The following LHFPL2 variants were observed in gnomAD, a reference collection of about 807,000 sequenced individuals.
LHFPL2 encodes the protein LHFPL tetraspan subfamily member 2 protein.
In LHFPL2, 7 loss-of-function variants were observed where a neutral mutation model predicts 17.5. The ratio of observed to expected loss-of-function variants is 0.40; its 90% CI spans 0.23 to 0.75. The LOEUF (loss-of-function observed/expected upper bound fraction) is 0.75, where lower values mean the gene tolerates loss of function less well. LHFPL2 is among the 30% of genes least tolerant of loss of function. The pLI, the probability that LHFPL2 is intolerant of heterozygous loss-of-function variation, is 0.37. For missense variants in LHFPL2, 241 were observed against 294.8 expected, an observed-to-expected ratio of 0.82 and a Z score of 1.34; for synonymous variants, 134 against 116.2, an observed-to-expected ratio of 1.15 and a Z score of -0.99.
chr5:78,557,832 A>G (rs1448209069), intron 3 of LHFPL2, among the ~76,000 whole-genome samples: 2 of 152,188 alleles, frequency 1.3e-5, no homozygotes, highest in African/African-American at 4.8e-5. Context: ...GCTCTGTAAC[A>G]TGTGCCAAGT....
chr5:78,489,143 A>C lies in LHFPL2; in HGVS notation c.441T>G (p.Leu147=). Reference sequence around the variant, plus strand: ...CAGGGTAGAGTATCAAACCGAGGATAAGGAATAGACCTGCAGAACAAAAGA... The same window carrying C: ...CAGGGTAGAGTATCAAACCGAGGATCAGGAATAGACCTGCAGAACAAAAGA... ...GLLQGIAGLF[L]ILGLILYPAG... is the part of the protein sequence containing the mutation. The change falls in exon 5 of 5, where the codon CTT becomes CTG. Residue 147 remains leucine, a synonymous_variant. Transcript: ENST00000380345. 1.9e-6 allele frequency: 3 copies of C among 1,614,218 alleles called. No homozygotes were observed. The highest frequency in any genetic ancestry group is 2.5e-6 in the Non-Finnish European group (3 of 1,180,030).
intron 3 of LHFPL2, among the ~76,000 whole-genome samples, chr5:78,555,390 G>A (rs968662468): frequency 6.6e-6 from 1 of 152,334 alleles, no homozygotes; most frequent in Middle Eastern, 3.4e-3. Context: ...GAGAAATCTA[G>A]TTTATCCATT....
chr5:78,527,918 G>C (rs1250420175), intron 3 of LHFPL2, among the ~76,000 whole-genome samples: 5 of 152,142 alleles, frequency 3.3e-5, no homozygotes, highest in Non-Finnish European at 7.4e-5. Flanking sequence ...AAGCGATTAA[G>C]AGTAACATCC....
At chr5:78,631,704 C>T (rs879858337) in intron 2 of LHFPL2, among the ~76,000 whole-genome samples, 5 of 152,128 alleles carry the variant, frequency 3.3e-5, no homozygotes, top group Non-Finnish European at 7.4e-5. Context: ...GGGAGGCCAA[C>T]GCAGGCGGAT....
Position 78,489,068 on chromosome 5 carries a change from A to C in LHFPL2, c.516T>G (p.Ser172=). The stretch of plus-strand genomic sequence containing the variant: ...AGGAGCAGTCTCCAGGTTTGTAGGC[A>C]GATGCATAATGTCCACAGTAGTCTA... The part of the protein sequence containing the change: ...KAIDYCGHYA[S]AYKPGDCSLG... Residue 172 remains serine, a synonymous_variant, in exon 5 of 5, where the codon TCT becomes TCG. Coordinates refer to ENST00000380345, the MANE Select transcript of LHFPL2 (RefSeq NM_005779.3). The C allele has an allele frequency of 1.2e-6, 2 of 1,614,256 alleles. No individual in the cohort carries two copies. The highest frequency in any genetic ancestry group is 1.7e-6 in the Non-Finnish European group (2 of 1,180,038).
intron 2 of LHFPL2, chr5:78,590,042 A>G (rs1743573963): frequency 6.6e-6 from 1 of 152,250 alleles, no homozygotes; most frequent in South Asian, 2.1e-4. Context: ...AGATATCCAT[A>G]TAACTAAAAT....
At chr5:78,607,312 C>T (rs1744252919) in intron 2 of LHFPL2, among the ~76,000 whole-genome samples, 1 of 151,914 alleles carries the variant, frequency 6.6e-6, no homozygotes, top group Admixed American at 6.6e-5. Context: ...GGGGTTTCAC[C>T]ATGTTGGCCA....
chr5:78,526,713 G>A (rs1755630105), intron 3 of LHFPL2, among the ~76,000 whole-genome samples: 1 of 152,142 alleles, frequency 6.6e-6, no homozygotes, highest in African/African-American at 2.4e-5. Context: ...CAGTGGAGGC[G>A]AGTGATTTTT....
intron 2 of LHFPL2, among the ~76,000 whole-genome samples, chr5:78,567,988 AGTG>A (rs1756902385): frequency 7.7e-6 from 1 of 130,416 alleles, no homozygotes; most frequent in Non-Finnish European, 1.9e-5. Context: ...TGTAAAACTC[AGTG>A]TAAAGAGTGT....
At chr5:78,515,274 T>A (rs1755258501) in intron 3 of LHFPL2, among the ~76,000 whole-genome samples, 2 of 151,984 alleles carry the variant, frequency 1.3e-5, no homozygotes, top group African/African-American at 4.8e-5. Flanking sequence ...TTCCACCCCA[T>A]CCCAATTATT....
intron 3 of LHFPL2, among the ~76,000 whole-genome samples, chr5:78,539,800 C>T (rs1756053486): frequency 6.7e-6 from 1 of 149,278 alleles, no homozygotes; most frequent in African/African-American, 2.5e-5. Context: ...TCTACATGAA[C>T]CAGGCAAGAC....
intron 2 of LHFPL2, among the ~76,000 whole-genome samples, chr5:78,577,624 C>T (rs979210123): frequency 6.6e-6 from 1 of 152,200 alleles, no homozygotes; most frequent in Non-Finnish European, 1.5e-5. Context: ...TCTCCCCAAG[C>T]TGAGTCCATT....
intron 2 of LHFPL2, among the ~76,000 whole-genome samples, chr5:78,629,057 T>G (rs1745157315): frequency 6.6e-6 from 1 of 152,172 alleles, no homozygotes; most frequent in Admixed American, 6.5e-5. Context: ...ACGCAGAATA[T>G]TTACTCTTTA....
intron 2 of LHFPL2, among the ~76,000 whole-genome samples, chr5:78,576,980 C>A (rs1039751509): frequency 6.6e-6 from 1 of 152,188 alleles, no homozygotes; most frequent in African/African-American, 2.4e-5. Context: ...AAGTGCAGTT[C>A]TTTAGAGATT....
chr5:78,602,873 A>G (rs999051972), intron 2 of LHFPL2, among the ~76,000 whole-genome samples: 3 of 102,680 alleles, frequency 2.9e-5, no homozygotes, highest in African/African-American at 1.1e-4. Context: ...ACAATGAGGT[A>G]GGGTTTTGTT....
At chr5:78,598,141 A>G (rs1475037589) in intron 2 of LHFPL2, among the ~76,000 whole-genome samples, 1 of 152,256 alleles carries the variant, frequency 6.6e-6, no homozygotes, top group Non-Finnish European at 1.5e-5. Context: ...CAGCAAACTC[A>G]CAGGAGCATG....
At chr5:78,583,118 T>G (rs977911443) in intron 2 of LHFPL2, among the ~76,000 whole-genome samples, 1 of 152,008 alleles carries the variant, frequency 6.6e-6, no homozygotes, top group African/African-American at 2.4e-5. Flanking sequence ...TGCCTTTTTT[T>G]GTTTTCCATT....
rs1754257080 is a variant in LHFPL2, at chr5:78,486,774, G to A, written c.*2123C>T. On this transcript the variant is annotated 3_prime_UTR_variant, in exon 5 of 5. Coordinates refer to ENST00000380345, the MANE Select transcript of LHFPL2 (RefSeq NM_005779.3). ...GAGGTACACTGCCACCTTAGCCAAA[G>A]AGCAGGTGATGGACATGCTCGGAGG... 6.6e-6 allele frequency: 1 copy of A among 152,186 alleles called. No homozygotes were observed. The allele number at this position is 152,186 out of a possible 1,614,324, so 9.4% of individuals were successfully genotyped here.
chr5:78,513,018 G>A (rs1232851889), intron 3 of LHFPL2, among the ~76,000 whole-genome samples: 1 of 152,130 alleles, frequency 6.6e-6, no homozygotes, highest in Non-Finnish European at 1.5e-5. Context: ...GCCTCCCAAA[G>A]TGCTAGGATT....
Sources: allele counts gnomAD v4.1 joint callset (sites outside exome capture counted in the v4.1 genomes callset), GRCh38; gene constraint gnomAD v4.1.1; transcripts MANE v1.5; gene names NCBI Gene and HGNC (gene_info 2026-07-23, HGNC 2026-07-21).